RBFOX1: variants seen among roughly 807,000 people sequenced by gnomAD.
The protein encoded by RBFOX1 is RNA binding protein fox-1 homolog 1.
Under a neutral mutation model 57.7 loss-of-function variants are expected in RBFOX1, and 8 were observed. The ratio of observed to expected loss-of-function variants is 0.14; its 90% confidence interval spans 0.08 to 0.25. The LOEUF (loss-of-function observed/expected upper bound fraction) is 0.25, where lower values mean the gene tolerates loss of function less well. Among genes scored for constraint, RBFOX1 ranks in the 10% least tolerant of loss-of-function variants. The pLI is 1.00. For missense variants in RBFOX1, 611 were observed against 548.5 expected, an observed-to-expected ratio of 1.11 and a Z score of -1.14; for synonymous variants, 326 against 222.4, an observed-to-expected ratio of 1.47 and a Z score of -4.15.
At chr16:5,895,015 TCC>T (rs1363776393) in intron 4 of RBFOX1, among the ~76,000 whole-genome samples, 4 of 140,240 alleles carry the variant, frequency 2.9e-5, no homozygotes. Flanking sequence ...AGAGTGAGAC[TCC>T]GTCTAAAAAA....
intron 1 of RBFOX1, among the ~76,000 whole-genome samples, chr16:5,429,896 C>A (rs941821309): frequency 2.1e-4 from 32 of 152,188 alleles, no homozygotes; most frequent in Admixed American, 1.8e-3. Flanking sequence ...CCTCCTGAAG[C>A]TGACATCCTT....
At chr16:7,359,536 C>T (rs778662859) in intron 4 of RBFOX1, among the ~76,000 whole-genome samples, 1 of 152,192 alleles carries the variant, frequency 6.6e-6, no homozygotes, top group Non-Finnish European at 1.5e-5. Flanking sequence ...GGGAAATAGT[C>T]ACTTGTGTGT....
intron 3 of RBFOX1, among the ~76,000 whole-genome samples, chr16:6,839,742 A>G (rs894166681): frequency 6.6e-6 from 1 of 152,162 alleles, no homozygotes; most frequent in Non-Finnish European, 1.5e-5. Context: ...CAAACTATAG[A>G]AGAGAAAATT....
At chr16:7,116,056 A>T (rs2065839785) in intron 4 of RBFOX1, among the ~76,000 whole-genome samples, 1 of 152,174 alleles carries the variant, frequency 6.6e-6, no homozygotes, top group Admixed American at 6.5e-5. Flanking sequence ...TTTGGTTTTC[A>T]TAACAGCCCT....
Position 7,068,434 on chromosome 16 carries a change from G to T in RBFOX1, c.27+16336G>T, listed in dbSNP as rs911527244. Among the ~76,000 whole-genome samples, 28 of 152,108 alleles carry T rather than the reference G, an allele frequency of 1.8e-4. 1 individual carries two copies. Among genetic ancestry groups the T allele is most frequent in the Admixed American group, 1.6e-3 (25 of 15,262 alleles). ...CCAAGGTAGCCCAGGGTGGCCATTG[G>T]CCCAGGACTCACCTCTACCTGCCTT... On this transcript the variant is annotated intron_variant, in intron 4 of 15. Coordinates refer to ENST00000550418, the MANE Select transcript of RBFOX1 (RefSeq NM_018723.4).
intron 3 of RBFOX1, among the ~76,000 whole-genome samples, chr16:6,922,908 T>C (rs975846064): frequency 6.6e-6 from 1 of 152,184 alleles, no homozygotes; most frequent in African/African-American, 2.4e-5. Flanking sequence ...GGTCTATATG[T>C]CTGTATTTCC....
At chr16:6,578,125 C>G (rs1359851907) in intron 2 of RBFOX1, among the ~76,000 whole-genome samples, 1 of 152,128 alleles carries the variant, frequency 6.6e-6, no homozygotes, top group East Asian at 1.9e-4. Flanking sequence ...TGGAAACAGA[C>G]AAGTAAAACG....
chr16:5,544,232 C>T (rs1204925606), intron 2 of RBFOX1, among the ~76,000 whole-genome samples: 1 of 152,134 alleles, frequency 6.6e-6, no homozygotes, highest in Non-Finnish European at 1.5e-5. Flanking sequence ...AAAGTAAGTT[C>T]TTTGGTCCCA....
intron 3 of RBFOX1, among the ~76,000 whole-genome samples, chr16:6,977,212 A>T (rs535621929): frequency 3.5e-3 from 420 of 118,756 alleles, no homozygotes; most frequent in Non-Finnish European, 5.0e-3. Flanking sequence ...TTTATCATAT[A>T]TATTATCATA....
intron 2 of RBFOX1, among the ~76,000 whole-genome samples, chr16:6,599,007 G>C (rs76089277): frequency 0.026 from 3,955 of 152,150 alleles, 116 homozygotes; most frequent in African/African-American, 0.071. Context: ...CACGTAAGGT[G>C]ACAACTGACA....
At chr16:6,636,813 AATATATAATATATGTT>A (rs2098438653) in intron 2 of RBFOX1, among the ~76,000 whole-genome samples, 1 of 44,252 alleles carries the variant, frequency 2.3e-5, no homozygotes, top group African/African-American at 6.2e-5. Context: ...TATAATATAT[AATATATAATATATGTT>A]ATATATAATA....
At chr16:6,501,442 C>T (rs961645503) in intron 2 of RBFOX1, among the ~76,000 whole-genome samples, 1 of 151,738 alleles carries the variant, frequency 6.6e-6, no homozygotes, top group Non-Finnish European at 1.5e-5. Context: ...TTTCCAGCTT[C>T]GTCCATGTCC....
exon 3 of RBFOX1, chr16:5,598,910 G>C: frequency 6.6e-7 from 1 of 1,523,990 alleles, no homozygotes; most frequent in Middle Eastern, 1.7e-4. Flanking sequence ...AGGACTACAA[G>C]TCTGAAAATT....
chr16:5,799,792 T>C (rs773116971), intron 3 of RBFOX1, among the ~76,000 whole-genome samples: 2 of 152,174 alleles, frequency 1.3e-5, no homozygotes, highest in Non-Finnish European at 2.9e-5. Flanking sequence ...GAGGAGCTTC[T>C]GAATAGCTCT....
rs1257200806 is a variant in RBFOX1 at position 6,450,805 on chromosome 16, A to G, written c.-64+133748A>G. 3.2e-3 allele frequency among the ~76,000 whole-genome samples: 43 copies of G among 13,256 alleles called. 4 individuals carry two copies. The highest frequency in any genetic ancestry group is 0.017 in the African/African-American group (32 of 1,864). 8.7% of individuals were successfully genotyped at this position (13,256 alleles called of 152,430 possible). On this transcript the variant is annotated intron_variant, in intron 2 of 15. Coordinates refer to ENST00000550418, the MANE Select transcript of RBFOX1 (RefSeq NM_018723.4). Reference sequence around the variant, plus strand: ...TATATATATACATATATATATGTATATATATATATATACATATATATATAT... The same window carrying G: ...TATATATATACATATATATATGTATGTATATATATATACATATATATATAT...
intron 4 of RBFOX1, among the ~76,000 whole-genome samples, chr16:5,974,360 G>C (rs1319112085): frequency 6.6e-6 from 1 of 152,212 alleles, no homozygotes; most frequent in Non-Finnish European, 1.5e-5. Context: ...TGTAATCCCA[G>C]CACGTTGGGA....
At chr16:5,537,494 AC>A (rs2044746265) in intron 2 of RBFOX1, among the ~76,000 whole-genome samples, 1 of 152,222 alleles carries the variant, frequency 6.6e-6, no homozygotes, top group African/African-American at 2.4e-5. Flanking sequence ...TGTTGGCAGA[AC>A]TTCCTTACTG....
Position 5,810,169 on chromosome 16 carries a change from C to T in RBFOX1, c.319-57134C>T, listed in dbSNP as rs193286407. On this transcript the variant is annotated intron_variant, in intron 3 of 19. Coordinates refer to the RBFOX1 transcript ENST00000641259. ...GAAGGGGAACATCACACTCTGGGGA[C>T]TGTTATAGGGTTGGGGGAGGAGGGA... Among the ~76,000 whole-genome samples, 882 of 132,242 alleles carry T rather than the reference C, an allele frequency of 6.7e-3. 9 individuals are homozygous for T. The highest frequency in any genetic ancestry group is 0.023 in the African/African-American group (808 of 35,902). The allele number at this position is 132,242 out of a possible 152,430, so 86.8% of individuals were successfully genotyped here. A position where few individuals can be genotyped will look rare whatever the true frequency, so the allele number is the denominator to read the frequency against.
chr16:6,182,235 C>T (rs1323817571), intron 1 of RBFOX1, among the ~76,000 whole-genome samples: 1 of 152,150 alleles, frequency 6.6e-6, no homozygotes. Context: ...AAGTAAGTTA[C>T]TGGAAGATTA....
Sources: gnomAD v4.1 joint callset for allele counts (sites outside exome capture counted in the v4.1 genomes callset) on GRCh38, gnomAD v4.1.1 for gene constraint, MANE v1.5 for transcripts, NCBI Gene and HGNC (gene_info 2026-07-23, HGNC 2026-07-21) for gene names.